The following GPC5 variants were observed in gnomAD, a reference collection of about 807,000 sequenced individuals.
GPC5 encodes glypican-5.
In GPC5, 47 loss-of-function variants were observed where a neutral mutation model predicts 53.9. That is an observed-to-expected ratio of 0.87 (90% CI 0.69 to 1.11). GPC5 has a LOEUF of 1.11. GPC5 is among the 50% of genes most tolerant of loss of function. The pLI, the probability that GPC5 is intolerant of heterozygous loss-of-function variation, is 0.00. For missense variants in GPC5, 748 were observed against 713.1 expected, an observed-to-expected ratio of 1.05 and a Z score of -0.56; for synonymous variants, 286 against 263.3, an observed-to-expected ratio of 1.09 and a Z score of -0.84.
chr13:92,737,567 T>C (rs1467380747), intron 7 of GPC5, among the ~76,000 whole-genome samples: 1 of 152,080 alleles, frequency 6.6e-6, no homozygotes, highest in Non-Finnish European at 1.5e-5. Flanking sequence ...CAAATGGATA[T>C]AACTTACAAA....
chr13:92,618,857 AAG>A (rs1344177608), intron 7 of GPC5, among the ~76,000 whole-genome samples: 3 of 151,978 alleles, frequency 2.0e-5, no homozygotes, highest in Non-Finnish European at 4.4e-5. Flanking sequence ...TCACATTAAT[AAG>A]AGTCTCACTA....
chr13:92,159,595 T>TTTTTTTTTTTTTC, intron 7 of GPC5, among the ~76,000 whole-genome samples: 1 of 109,646 alleles, frequency 9.1e-6, no homozygotes, highest in Non-Finnish European at 1.7e-5. Flanking sequence ...CCAATGTTCT[T>TTTTTTTTTTTTTC]TTTTTTTTTT....
At chr13:92,020,486 AT>A (rs1301766197) in intron 6 of GPC5, among the ~76,000 whole-genome samples, 12 of 150,610 alleles carry the variant, frequency 8.0e-5, no homozygotes, top group South Asian at 4.2e-4. Flanking sequence ...ACACTTGTCT[AT>A]TTTTTTTTCA....
rs745373919 is a variant in GPC5 at position 92,070,616 on chromosome 13, T to A, written c.1402-74214T>A. Among the ~76,000 whole-genome samples the A allele has an allele frequency of 7.9e-4, 121 of 152,238 alleles. 2 individuals are homozygous for A. Among genetic ancestry groups the A allele is most frequent in the Non-Finnish European group, 1.5e-3 (105 of 68,048 alleles). On this transcript the variant is annotated intron_variant, in intron 6 of 7. Transcript: ENST00000377067. ...CTCCTTACTAAACTAACACTTTTTT[T>A]ATTTTTGAATCTGCATCAATTGTTG...
At chr13:92,125,685 A>G (rs1472271498) in intron 6 of GPC5, among the ~76,000 whole-genome samples, 1 of 152,120 alleles carries the variant, frequency 6.6e-6, no homozygotes, top group African/African-American at 2.4e-5. Context: ...TGATTTAACA[A>G]TTACTTTCTG....
chr13:92,177,121 G>T (rs2042114332), intron 7 of GPC5, among the ~76,000 whole-genome samples: 1 of 151,918 alleles, frequency 6.6e-6, no homozygotes, highest in Non-Finnish European at 1.5e-5. Context: ...TTGTTGTTTT[G>T]CATCTCAGTT....
chr13:92,296,700 C>T (rs886795377), intron 7 of GPC5, among the ~76,000 whole-genome samples: 8 of 152,154 alleles, frequency 5.3e-5, no homozygotes, highest in African/African-American at 1.4e-4. Flanking sequence ...CTGCGTGCGG[C>T]GCTTGCGGGC....
intron 2 of GPC5, among the ~76,000 whole-genome samples, chr13:91,640,223 T>A (rs940256474): frequency 3.9e-5 from 6 of 152,204 alleles, no homozygotes; most frequent in Admixed American, 6.5e-5. Flanking sequence ...GGGAGAAAAT[T>A]TTTGCTCTCT....
At chr13:91,923,391 A>G (rs1289748172) in intron 6 of GPC5, among the ~76,000 whole-genome samples, 5 of 152,192 alleles carry the variant, frequency 3.3e-5, no homozygotes, top group Non-Finnish European at 5.9e-5. Flanking sequence ...TATAGTTTTG[A>G]AGCAGTTAAT....
chr13:91,479,234 A>G (rs930340389), intron 2 of GPC5, among the ~76,000 whole-genome samples: 4 of 152,064 alleles, frequency 2.6e-5, no homozygotes, highest in Non-Finnish European at 5.9e-5. Flanking sequence ...TATTTCATTT[A>G]TAATGAAATT....
At chr13:92,701,498 A>T (rs1887738025) in intron 7 of GPC5, 1 of 152,144 alleles carries the variant, frequency 6.6e-6, no homozygotes, top group Non-Finnish European at 1.5e-5. Context: ...GTCTGAAATG[A>T]TGCTGAATCT....
At chr13:91,554,165 CAA>C (rs756006214) in intron 2 of GPC5, among the ~76,000 whole-genome samples, 2 of 151,870 alleles carry the variant, frequency 1.3e-5, no homozygotes, top group Non-Finnish European at 2.9e-5. Flanking sequence ...TTTAAAAAGA[CAA>C]AAGCATTTAA....
chr13:92,781,496 G>T (rs563326548), intron 7 of GPC5, among the ~76,000 whole-genome samples: 25 of 152,182 alleles, frequency 1.6e-4, no homozygotes, highest in African/African-American at 5.8e-4. Flanking sequence ...TTGATGTACA[G>T]GTTTGTTTAG....
chr13:92,649,888 C>T (rs1447953825), intron 7 of GPC5, among the ~76,000 whole-genome samples: 1 of 152,026 alleles, frequency 6.6e-6, no homozygotes, highest in African/African-American at 2.4e-5. Flanking sequence ...ATTGGCAATA[C>T]TTCGAATAAT....
intron 7 of GPC5, among the ~76,000 whole-genome samples, chr13:92,851,156 G>A (rs985705972): frequency 6.6e-6 from 1 of 151,966 alleles, no homozygotes; most frequent in Admixed American, 6.6e-5. Context: ...AACTCACTCA[G>A]TATCATGACA....
chr13:91,636,927 T>C (rs2034300227), intron 2 of GPC5, among the ~76,000 whole-genome samples: 1 of 152,136 alleles, frequency 6.6e-6, no homozygotes, highest in East Asian at 1.9e-4. Context: ...ACCCCTATAC[T>C]CCAGTGGCAG....
chr13:91,950,329 G>A (rs1180554367), intron 6 of GPC5, among the ~76,000 whole-genome samples: 1 of 141,454 alleles, frequency 7.1e-6, no homozygotes, highest in Non-Finnish European at 1.5e-5. Context: ...AGCCTGGGAT[G>A]AAATTCTCTG....
chr13:92,691,771 GTT>G, intron 7 of GPC5, among the ~76,000 whole-genome samples: 1 of 142,842 alleles, frequency 7.0e-6, no homozygotes, highest in African/African-American at 2.6e-5. Flanking sequence ...TGGTTTTAGG[GTT>G]TTTTTTTTTT....
intron 2 of GPC5, among the ~76,000 whole-genome samples, chr13:91,574,140 G>T (rs905976879): frequency 1.3e-5 from 2 of 152,142 alleles, no homozygotes; most frequent in African/African-American, 4.8e-5. Context: ...GTTGAATACA[G>T]TTAGAGCTAC....
Sources: gnomAD v4.1 joint callset for allele counts (sites outside exome capture counted in the v4.1 genomes callset) on GRCh38, gnomAD v4.1.1 for gene constraint, MANE v1.5 for transcripts, NCBI Gene and HGNC (gene_info 2026-07-23, HGNC 2026-07-21) for gene names.